The following ADGRB3 variants were observed in gnomAD, a reference collection of about 807,000 sequenced individuals.
ADGRB3 encodes the protein adhesion G protein-coupled receptor B3.
ADGRB3 carries 37 observed loss-of-function variants against 193.4 expected under a neutral mutation model. That is an observed-to-expected ratio of 0.19 (90% confidence interval 0.15 to 0.25). The LOEUF is 0.25. Ranked by LOEUF, ADGRB3 falls within the 10% of genes least tolerant of loss-of-function variation. The pLI is 1.00. For synonymous variants in ADGRB3, 690 were observed against 644.2 expected (o/e 1.07, Z -1.08); for missense variants, 1,637 against 1,852.9 (o/e 0.88, Z 2.14).
At chr6:69,036,776 A>G (rs1770884381) in intron 13 of ADGRB3, among the ~76,000 whole-genome samples, 2 of 152,172 alleles carry the variant, frequency 1.3e-5, no homozygotes, top group South Asian at 2.1e-4. Context: ...ACCAAACAAG[A>G]CAGCCATGCA....
chr6:68,966,253 T>C (rs937877321), intron 8 of ADGRB3, among the ~76,000 whole-genome samples: 1 of 152,168 alleles, frequency 6.6e-6, no homozygotes, highest in African/African-American at 2.4e-5. Context: ...ATCCCTTCCC[T>C]AATTACATCA....
At chr6:68,873,097 A>T (rs976287099) in intron 3 of ADGRB3, among the ~76,000 whole-genome samples, 2 of 152,174 alleles carry the variant, frequency 1.3e-5, no homozygotes, top group African/African-American at 4.8e-5. Context: ...CAATTGGAAC[A>T]TGTGATGGTT....
At chr6:69,116,321 A>G (rs1393697981) in intron 17 of ADGRB3, among the ~76,000 whole-genome samples, 1 of 152,232 alleles carries the variant, frequency 6.6e-6, no homozygotes, top group Non-Finnish European at 1.5e-5. Context: ...AATACATAAA[A>G]TTAACCCTCT....
At chr6:69,160,599 G>A (rs1253940694) in intron 17 of ADGRB3, among the ~76,000 whole-genome samples, 1 of 151,954 alleles carries the variant, frequency 6.6e-6, no homozygotes, top group African/African-American at 2.4e-5. Context: ...ATCTAGCATA[G>A]CTATTCGTAT....
intron 3 of ADGRB3, among the ~76,000 whole-genome samples, chr6:68,880,092 T>C (rs1765693978): frequency 6.6e-6 from 1 of 152,120 alleles, no homozygotes; most frequent in African/African-American, 2.4e-5. Flanking sequence ...TTGCGAATTG[T>C]TTAAAGTGGA....
chr6:69,203,133 A>G (rs1765466151), intron 17 of ADGRB3, among the ~76,000 whole-genome samples: 1 of 152,196 alleles, frequency 6.6e-6, no homozygotes, highest in South Asian at 2.1e-4. Flanking sequence ...TTTGATTTGA[A>G]AAAAACAAAC....
At chr6:68,765,197 C>T (rs1277628081) in intron 3 of ADGRB3, among the ~76,000 whole-genome samples, 1 of 151,886 alleles carries the variant, frequency 6.6e-6, no homozygotes, top group Non-Finnish European at 1.5e-5. Flanking sequence ...CTCATTGGAC[C>T]TCTTTATAAT....
chr6:69,054,359 A>C (rs940068898), intron 15 of ADGRB3, among the ~76,000 whole-genome samples: 4 of 152,210 alleles, frequency 2.6e-5, no homozygotes, highest in Non-Finnish European at 4.4e-5. Flanking sequence ...GAATAGAAAA[A>C]TAATATTGGA....
At chr6:69,232,772 G>A (rs1766171594) in intron 17 of ADGRB3, 1 of 693,614 alleles carries the variant, frequency 1.4e-6, no homozygotes, top group East Asian at 2.8e-5. Flanking sequence ...CTAACCAGCA[G>A]CAGAGAAGAT....
At chr6:69,160,544 A>G (rs963094916) in intron 17 of ADGRB3, among the ~76,000 whole-genome samples, 6 of 152,118 alleles carry the variant, frequency 3.9e-5, no homozygotes, top group African/African-American at 1.4e-4. Flanking sequence ...TGCATTTAAT[A>G]TAATCTTTCC....
intron 5 of ADGRB3, among the ~76,000 whole-genome samples, chr6:68,940,146 G>A (rs1279251662): frequency 6.6e-6 from 1 of 152,196 alleles, no homozygotes; most frequent in Middle Eastern, 3.4e-3. Flanking sequence ...CTCTTCAAAA[G>A]CCTTTATTAC....
chr6:68,904,572 C>T (rs904127649), intron 3 of ADGRB3, among the ~76,000 whole-genome samples: 3 of 152,132 alleles, frequency 2.0e-5, no homozygotes, highest in African/African-American at 4.8e-5. Flanking sequence ...TAAATGGAAT[C>T]ATTGCTGATT....
chr6:69,028,897 C>G (rs1199754842), intron 13 of ADGRB3, among the ~76,000 whole-genome samples: 1 of 152,134 alleles, frequency 6.6e-6, no homozygotes, highest in Non-Finnish European at 1.5e-5. Context: ...GTTACAGCAT[C>G]ATTAATATTT....
intron 17 of ADGRB3, among the ~76,000 whole-genome samples, chr6:69,178,961 T>G (rs904666166): frequency 3.9e-5 from 6 of 152,176 alleles, no homozygotes; most frequent in African/African-American, 1.4e-4. Flanking sequence ...ACGGGTGTTC[T>G]CTGGATTTGT....
intron 3 of ADGRB3, among the ~76,000 whole-genome samples, chr6:68,930,066 A>G (rs953449312): frequency 7.1e-6 from 1 of 140,326 alleles, no homozygotes; most frequent in South Asian, 2.3e-4. Context: ...TCTTTGGATG[A>G]AAAAAAAAAA....
At chr6:69,145,193 C>T (rs1269605952) in intron 17 of ADGRB3, among the ~76,000 whole-genome samples, 2 of 152,098 alleles carry the variant, frequency 1.3e-5, no homozygotes, top group African/African-American at 4.8e-5. Context: ...GCCTGCCAAG[C>T]ATGTGGAGCA....
intron 17 of ADGRB3, among the ~76,000 whole-genome samples, chr6:69,125,614 C>T (rs1773830893): frequency 6.6e-6 from 1 of 152,152 alleles, no homozygotes; most frequent in Non-Finnish European, 1.5e-5. Context: ...ACTTCCCAGG[C>T]TTCAGAACTC....
intron 6 of ADGRB3, among the ~76,000 whole-genome samples, chr6:68,950,143 A>G (rs1471577399): frequency 6.6e-6 from 1 of 151,886 alleles, no homozygotes; most frequent in Non-Finnish European, 1.5e-5. Flanking sequence ...GTACCTGGGA[A>G]TCCTGGGCTC....
chr6:69,246,392 G>A (rs975521670), intron 20 of ADGRB3, among the ~76,000 whole-genome samples: 9 of 152,124 alleles, frequency 5.9e-5, no homozygotes, highest in Admixed American at 1.3e-4. Flanking sequence ...ACTTGGTTCC[G>A]TTTTGAAGTA....
Sources: allele counts gnomAD v4.1 joint callset (sites outside exome capture counted in the v4.1 genomes callset), GRCh38; gene constraint gnomAD v4.1.1; transcripts MANE v1.5; gene names NCBI Gene and HGNC (gene_info 2026-07-23, HGNC 2026-07-21).